The following RUBCN variants were observed in gnomAD, a reference collection of about 807,000 sequenced individuals.
RUBCN encodes the protein run domain Beclin-1-interacting and cysteine-rich domain-containing protein.
RUBCN carries 74 observed loss-of-function variants against 113.2 expected under a neutral mutation model. The observed-to-expected ratio is 0.65, with a 90% CI of 0.54 to 0.79. The LOEUF is 0.79. Ranked by LOEUF, RUBCN falls within the 30% of genes least tolerant of loss-of-function variation. The pLI is 0.00. For missense variants in RUBCN, 1,109 were observed against 1,251.7 expected (o/e 0.89, Z 1.72); for synonymous variants, 480 against 490.0 (o/e 0.98, Z 0.27).
At chr3:197,696,148 C>T (rs1263081962) in intron 8 of RUBCN, among the ~76,000 whole-genome samples, 167 bp from the exon 9 acceptor site, 3 of 152,050 alleles carry the variant, frequency 2.0e-5, no homozygotes, top group Non-Finnish European at 4.4e-5. Context: ...GCAAGGCAGG[C>T]GGATCACAAG....
chr3:197,693,810 C>T lies in RUBCN; in HGVS notation c.1691G>A (p.Arg564Gln), dbSNP rs754878800. 10 of 1,612,934 alleles carry T rather than the reference C, an allele frequency of 6.2e-6. No homozygotes were observed. The East Asian group carries it at 6.7e-5, about 11-fold the overall frequency. The stretch of plus-strand genomic sequence containing the variant: ...GAACTGGGAGCTGCTGGAGGTGACC[C>T]GAAAGCCTGTTATGTTTAAAAACAA... The part of the protein sequence containing the change: ...MYQEAEHGSF[R>Q]VTSSSSQFSS... The change falls in exon 11 of 20, where the codon CGG (arginine) becomes CAG (glutamine). Residue 564 changes from arginine (R) to glutamine (Q), a missense_variant. By Grantham distance (43) the Arg-to-Gln change is conservative. Coordinates refer to ENST00000296343, the MANE Select transcript of RUBCN (RefSeq NM_014687.4).
chr3:197,693,447 G>A (rs1010675304), intron 11 of RUBCN, among the ~76,000 whole-genome samples: 3 of 152,188 alleles, frequency 2.0e-5, no homozygotes, highest in African/African-American at 4.8e-5. Context: ...GAGTCAGAGT[G>A]GGAACCCAGG....
chr3:197,686,469 C>T (rs754098138), intron 11 of RUBCN, among the ~76,000 whole-genome samples: 5 of 152,216 alleles, frequency 3.3e-5, no homozygotes, highest in Non-Finnish European at 5.9e-5. Flanking sequence ...GCACACTCGT[C>T]AAAGGGGCCA....
intron 2 of RUBCN, among the ~76,000 whole-genome samples, chr3:197,717,165 T>C (rs972665959): frequency 6.8e-6 from 1 of 147,296 alleles, no homozygotes; most frequent in Admixed American, 6.8e-5. Flanking sequence ...CTGGGTGCGG[T>C]GGCTCACGCC....
Position 197,693,769 on chromosome 3 carries a change from C to T in RUBCN, c.1732G>A (p.Ala578Thr). ...SSSQFSSRDSAQLSDSGSADE... is the reference protein window; with the variant it reads ...SSSQFSSRDSTQLSDSGSADE... ...GCAGAGCCAGAGTCAGAGAGCTGTG[C>T]CGAATCACGTGAGCTGAACTGGGAG... Residue 578 changes from alanine to threonine, a missense_variant, in exon 11 of 20, where the codon GCA becomes ACA. By Grantham distance (58) the Ala-to-Thr change is moderately conservative. This residue lies in a region of RUBCN where 736 missense variants were observed against 779.6 expected (regional missense o/e 0.94). Coordinates refer to ENST00000296343, the MANE Select transcript of RUBCN (RefSeq NM_014687.4). 4 of 1,614,050 alleles carry T rather than the reference C, an allele frequency of 2.5e-6. No individual in the cohort carries two copies. Among genetic ancestry groups the T allele is most frequent in the Non-Finnish European group, 3.4e-6 (4 of 1,179,920 alleles).
chr3:197,676,289 C>T lies in RUBCN; in HGVS notation c.2646+596G>A, dbSNP rs114207349. On this transcript the variant is annotated intron_variant, in intron 18 of 19. Transcript: ENST00000296343. ...TGACGGCCGAGGGTAGACTCCCTCTCGATTCCAATCCAGAGCTCTCCTCTC... is the reference window on the plus strand; with the variant it reads ...TGACGGCCGAGGGTAGACTCCCTCTTGATTCCAATCCAGAGCTCTCCTCTC... 1,384 of 992,292 alleles carry T rather than the reference C, an allele frequency of 1.4e-3. 16 individuals are homozygous for T. In the African/African-American group the frequency reaches 0.022, roughly 16 times the overall value. 61.5% of individuals were successfully genotyped at this position (992,292 alleles called of 1,614,324 possible).
rs532752427 is a variant in RUBCN at position 197,674,433 on chromosome 3, G to A, written c.*585C>T. On this transcript the variant is annotated 3_prime_UTR_variant, in exon 20 of 20. Transcript: ENST00000296343. ...CAGCTGCCTCTGAGGTCTCTGAGGA[G>A]TCTAGGATAGTCAGGATTGTTCTGT... 31 of 372,510 alleles carry A rather than the reference G, an allele frequency of 8.3e-5. No individual in the cohort carries two copies. Among genetic ancestry groups the A allele is most frequent in the South Asian group, 6.2e-4 (28 of 45,282 alleles). The allele number at this position is 372,510 out of a possible 1,614,324, so 23.1% of individuals were successfully genotyped here. A position where few individuals can be genotyped will look rare whatever the true frequency, so the allele number is the denominator to read the frequency against.
rs550920901 is a variant in RUBCN, at chr3:197,669,813, A to T, written c.*5205T>A. On this transcript the variant is annotated 3_prime_UTR_variant, in exon 20 of 20. Transcript: ENST00000296343. ...TATGTATGTATGGACTAATAAATAT[A>T]TATTTGACATACACTTTTTCTAACT... Among the ~76,000 whole-genome samples, 9 of 152,346 alleles carry T rather than the reference A, an allele frequency of 5.9e-5. No homozygotes were observed. Among genetic ancestry groups the T allele is most frequent in the African/African-American group, 2.2e-4 (9 of 41,574 alleles).
At position 197,733,937 on chromosome 3, in the gene RUBCN, G is replaced by A. The variant is rs143769675; in HGVS notation, c.65+2718C>T. Among the ~76,000 whole-genome samples the A allele has an allele frequency of 3.8e-3, 574 of 152,270 alleles. 6 individuals are homozygous for A. Among genetic ancestry groups the A allele is most frequent in the African/African-American group, 0.013 (535 of 41,532 alleles). ...TCCGTTGTTACTATTAGCATAGTGA[G>A]AGGCAGCATAGGGTGAGTATTAAAA... On this transcript the variant is annotated intron_variant, in intron 1 of 19. Coordinates refer to ENST00000296343, the MANE Select transcript of RUBCN (RefSeq NM_014687.4).
intron 2 of RUBCN, among the ~76,000 whole-genome samples, chr3:197,710,631 A>G (rs1724859920): frequency 6.6e-6 from 1 of 151,964 alleles, no homozygotes; most frequent in South Asian, 2.1e-4. Context: ...ATGTCAACAG[A>G]CAAACTAGGA....
At chr3:197,704,131 A>G (rs1411420744) in intron 4 of RUBCN, among the ~76,000 whole-genome samples, 1 of 152,186 alleles carries the variant, frequency 6.6e-6, no homozygotes, top group African/African-American at 2.4e-5. Context: ...TCCCTATGGC[A>G]TCAAGTGAAA....
At chr3:197,727,473 T>C (rs1200628619) in intron 1 of RUBCN, among the ~76,000 whole-genome samples, 3 of 152,214 alleles carry the variant, frequency 2.0e-5, no homozygotes, top group African/African-American at 7.2e-5. Context: ...AATAAAGCCT[T>C]CTTACCCATT....
chr3:197,689,384 G>A (rs1026490151), intron 11 of RUBCN, among the ~76,000 whole-genome samples: 3 of 152,146 alleles, frequency 2.0e-5, no homozygotes, highest in Non-Finnish European at 2.9e-5. Flanking sequence ...TGTAAAACCT[G>A]TCATGTGTAT....
chr3:197,709,527 T>C (rs1724712158), intron 2 of RUBCN, among the ~76,000 whole-genome samples: 1 of 152,122 alleles, frequency 6.6e-6, no homozygotes, highest in Non-Finnish European at 1.5e-5. Flanking sequence ...ATTACAGGCT[T>C]GCGCCACCAT....
At chr3:197,691,116 A>C (rs1163434146) in intron 11 of RUBCN, 1 of 1,289,384 alleles carries the variant, frequency 7.8e-7, no homozygotes, top group East Asian at 5.5e-5. Context: ...CCGTTCTTTG[A>C]TATGTGAGTC....
At chr3:197,709,012 C>T (rs758872045) in intron 2 of RUBCN, among the ~76,000 whole-genome samples, 8 of 152,050 alleles carry the variant, frequency 5.3e-5, no homozygotes, top group African/African-American at 1.2e-4. Flanking sequence ...GAAATTCTAT[C>T]GCATAGTTTA....
chr3:197,701,926 G>C lies in RUBCN; in HGVS notation c.571-62C>G, dbSNP rs777820150. On this transcript the variant is annotated intron_variant, in intron 5 of 19. Coordinates refer to ENST00000296343, the MANE Select transcript of RUBCN (RefSeq NM_014687.4). ...TTAAGGACAAAGGGCCTCAGAGTGGGGGCAACGCAGTACTGCAGAAATGCC... is the reference window on the plus strand; with the variant it reads ...TTAAGGACAAAGGGCCTCAGAGTGGCGGCAACGCAGTACTGCAGAAATGCC... 98 of 1,487,672 alleles carry C rather than the reference G, an allele frequency of 6.6e-5. No homozygotes were observed. In the Middle Eastern group the frequency reaches 4.1e-3, roughly 62 times the overall value. The allele number at this position is 1,487,672 out of a possible 1,614,324, so 92.2% of individuals were successfully genotyped here. A position where few individuals can be genotyped will look rare whatever the true frequency, so the allele number is the denominator to read the frequency against.
intron 9 of RUBCN, among the ~76,000 whole-genome samples, chr3:197,695,523 C>T (rs1016405639): frequency 6.6e-6 from 1 of 152,214 alleles, no homozygotes; most frequent in South Asian, 2.1e-4. Context: ...ATTGCTCGAG[C>T]CCAGGAATTT....
chr3:197,676,452 T>C (rs1720435711), intron 18 of RUBCN: 1 of 627,030 alleles, frequency 1.6e-6, no homozygotes, highest in African/African-American at 2.0e-5. Context: ...TAGCTGGGAT[T>C]ACAGGCACCC....
Sources: allele counts gnomAD v4.1 joint callset (sites outside exome capture counted in the v4.1 genomes callset), GRCh38; gene constraint gnomAD v4.1.1; regional missense constraint gnomAD v4.1.1; transcripts MANE v1.5; gene names NCBI Gene and HGNC (gene_info 2026-07-23, HGNC 2026-07-21).